The following BMAL2 variants were observed in gnomAD, a reference collection of about 807,000 sequenced individuals.
BMAL2 encodes basic helix-loop-helix ARNT like 2.
chr12:27,333,962 G>A, the BMAL2 span, among the ~76,000 whole-genome samples: 1 of 152,214 alleles, frequency 6.6e-6, no homozygotes, highest in East Asian at 1.9e-4. Flanking sequence ...TGAGAGGCAG[G>A]AAAACAGAAA....
At chr12:27,340,736 C>A in the BMAL2 span, among the ~76,000 whole-genome samples, 1 of 152,154 alleles carries the variant, frequency 6.6e-6, no homozygotes, top group Non-Finnish European at 1.5e-5. Context: ...TCTTCCTATC[C>A]ATGAGCATGG....
chr12:27,379,041 A>C, the BMAL2 span, among the ~76,000 whole-genome samples: 1 of 152,200 alleles, frequency 6.6e-6, no homozygotes, highest in African/African-American at 2.4e-5. Flanking sequence ...GCTAAAAAAA[A>C]AAAATCTCAT....
chr12:27,352,855 G>A, the BMAL2 span, among the ~76,000 whole-genome samples: 2 of 152,102 alleles, frequency 1.3e-5, no homozygotes, highest in African/African-American at 4.8e-5. Context: ...ATAATACCTA[G>A]GAATACAGCT....
At chr12:27,360,803 C>CAAAAAAAAAAAAAAAAAAAAAAAAA in the BMAL2 span, among the ~76,000 whole-genome samples, 21 of 46,788 alleles carry the variant, frequency 4.5e-4, 3 homozygotes, top group East Asian at 1.5e-3. Flanking sequence ...GTGATTTGTC[C>CAAAAAAAAAAAAAAAAAAAAAAAAA]AAAAAAAAAA....
the BMAL2 span, chr12:27,420,692 G>A: frequency 4.7e-6 from 4 of 854,552 alleles, no homozygotes; most frequent in Non-Finnish European, 6.5e-6. Flanking sequence ...CAGGGATGTG[G>A]GGAAATACGT....
the BMAL2 span, among the ~76,000 whole-genome samples, chr12:27,347,840 T>TTAGTA: frequency 6.6e-6 from 1 of 152,258 alleles, no homozygotes. Flanking sequence ...AAGGCAACCT[T>TTAGTA]TAGTACACAG....
the BMAL2 span, among the ~76,000 whole-genome samples, chr12:27,418,708 G>C: frequency 2.0e-5 from 3 of 149,494 alleles, no homozygotes; most frequent in East Asian, 6.0e-4. Context: ...GGCTGGGCAT[G>C]GTGGCTCATT....
At chr12:27,347,547 T>C in the BMAL2 span, among the ~76,000 whole-genome samples, 1 of 152,172 alleles carries the variant, frequency 6.6e-6, no homozygotes, top group Non-Finnish European at 1.5e-5. Flanking sequence ...CTGCAGGACA[T>C]TGTAGGACCA....
the BMAL2 span, chr12:27,420,422 G>T: frequency 8.7e-6 from 14 of 1,613,838 alleles, no homozygotes; most frequent in Non-Finnish European, 1.1e-5. Context: ...GGATTTCGAT[G>T]CCCTATGTGA....
At chr12:27,369,489 C>G in the BMAL2 span, among the ~76,000 whole-genome samples, 1 of 152,214 alleles carries the variant, frequency 6.6e-6, no homozygotes, top group East Asian at 1.9e-4. Flanking sequence ...TTCCCTTAGT[C>G]TCTTCCATTA....
At chr12:27,412,952 C>A in the BMAL2 span, among the ~76,000 whole-genome samples, 1 of 151,860 alleles carries the variant, frequency 6.6e-6, no homozygotes, top group African/African-American at 2.4e-5. Context: ...TCAGCAGAAA[C>A]CTTGCAGGCC....
At chr12:27,419,254 G>C in the BMAL2 span, among the ~76,000 whole-genome samples, 1 of 152,210 alleles carries the variant, frequency 6.6e-6, no homozygotes, top group African/African-American at 2.4e-5. Flanking sequence ...TGCTATAACA[G>C]AATACCACAG....
the BMAL2 span, chr12:27,387,395 T>C: frequency 1.0e-6 from 1 of 989,158 alleles, no homozygotes; most frequent in East Asian, 2.4e-5. Flanking sequence ...GCTCTTTTTC[T>C]GAACACCTTC....
chr12:27,400,837 G>T, the BMAL2 span: 1 of 1,403,086 alleles, frequency 7.1e-7, no homozygotes, highest in Admixed American at 2.3e-5. Flanking sequence ...TTAAAGGCGT[G>T]TCTTAGTAGC....
At chr12:27,420,294 T>C in the BMAL2 span, 1 of 1,483,078 alleles carries the variant, frequency 6.7e-7, no homozygotes, top group Non-Finnish European at 9.3e-7. Flanking sequence ...CTAGCCTTGC[T>C]TTGCCATTTT....
At chr12:27,395,513 A>C in the BMAL2 span, among the ~76,000 whole-genome samples, 1 of 152,138 alleles carries the variant, frequency 6.6e-6, no homozygotes, top group Non-Finnish European at 1.5e-5. Flanking sequence ...TGGTCTTTTA[A>C]ATATTCAATT....
chr12:27,344,220 A>G, the BMAL2 span, among the ~76,000 whole-genome samples: 30 of 152,248 alleles, frequency 2.0e-4, 1 homozygote, highest in Admixed American at 5.9e-4. Flanking sequence ...CTTGCCCTAG[A>G]TTGCATTCCT....
At chr12:27,368,867 A>G in the BMAL2 span, among the ~76,000 whole-genome samples, 7 of 152,318 alleles carry the variant, frequency 4.6e-5, no homozygotes, top group East Asian at 1.2e-3. Flanking sequence ...CAAATTGATA[A>G]TAAAGTCAAT....
the BMAL2 span, among the ~76,000 whole-genome samples, chr12:27,409,247 T>C: frequency 6.6e-6 from 1 of 152,182 alleles, no homozygotes; most frequent in East Asian, 1.9e-4. Flanking sequence ...AAAACTACTT[T>C]AAAGTTCGTA....
Sources: allele counts gnomAD v4.1 joint callset (sites outside exome capture counted in the v4.1 genomes callset), GRCh38; gene constraint gnomAD v4.1.1; transcripts MANE v1.5; gene names NCBI Gene and HGNC (gene_info 2026-07-23, HGNC 2026-07-21).